Variants in SIDT2 observed in about 807,000 individuals in gnomAD.
SIDT2 encodes the protein SID1 transmembrane family, member 2.
Under a neutral mutation model 114.4 loss-of-function variants are expected in SIDT2, and 68 were observed. The ratio of observed to expected loss-of-function variants is 0.59; its 90% CI spans 0.49 to 0.73. SIDT2 has a LOEUF of 0.73. SIDT2 is among the 30% of genes least tolerant of loss of function. The probability of loss-of-function intolerance (pLI) is 0.00; values close to 1 mark genes in which losing one functional copy is unlikely to be tolerated. For missense variants in SIDT2, 918 were observed against 1,097.1 expected, an observed-to-expected ratio of 0.84 and a Z score of 2.31; for synonymous variants, 470 against 438.4, an observed-to-expected ratio of 1.07 and a Z score of -0.90.
chr11:117,184,877 C>T (rs1432488310), intron 8 of SIDT2, among the ~76,000 whole-genome samples: 1 of 152,092 alleles, frequency 6.6e-6, no homozygotes, highest in Non-Finnish European at 1.5e-5. Context: ...AGGCACCTGC[C>T]GCCATGCCCA....
rs982311552 is a variant in SIDT2 at position 117,190,688 on chromosome 11, G to A, written c.1683G>A (p.Gly561=). The part of the protein sequence containing the change: ...YAMGTALMME[G]LLSACYHVCP... ...TGGGCACAGCCCTGATGATGGAGGGGCTGCTCAGTGCTTGCTATCATGTGT... is the reference window on the plus strand; with the variant it reads ...TGGGCACAGCCCTGATGATGGAGGGACTGCTCAGTGCTTGCTATCATGTGT... The change falls in exon 18 of 26, where the codon GGG becomes GGA. Residue 561 remains glycine, a synonymous_variant. Coordinates refer to ENST00000324225, the MANE Select transcript of SIDT2 (RefSeq NM_001040455.2). The surrounding 1 kb of genome is among the most constrained non-coding windows in gnomAD (Gnocchi z 4.1). 3.1e-6 allele frequency: 5 copies of A among 1,613,386 alleles called. No homozygotes were observed. The highest frequency in any genetic ancestry group is 2.2e-5 in the South Asian group (2 of 90,824).
chr11:117,189,263 G>A (rs773448966), intron 14 of SIDT2, 21 bp downstream of exon 14: 1 of 1,614,122 alleles, frequency 6.2e-7, no homozygotes, highest in East Asian at 2.2e-5. Flanking sequence ...TGAGTGTCTG[G>A]GGCTCTGCTG....
chr11:117,188,417 T>TCA lies in SIDT2; in HGVS notation c.1160-291_1160-290insCA, dbSNP rs775148500. On this transcript the variant is annotated intron_variant, in intron 12 of 25. Coordinates refer to ENST00000324225, the MANE Select transcript of SIDT2 (RefSeq NM_001040455.2). This position sits in a 1 kb window ranked among gnomAD's most constrained non-coding sequence, Gnocchi z 4.0. ...TGTGTCTGCTGCCTGGGGTCTGCCT[T>TCA]GTGTCCTGGCCTGGGAAGCCCTAGC... The TCA allele has an allele frequency of 0.088, 42,066 of 479,246 alleles. 2,841 individuals carry two copies. The highest frequency in any genetic ancestry group is 0.26 in the African/African-American group (13,303 of 51,548). 29.7% of individuals were successfully genotyped at this position (479,246 alleles called of 1,614,324 possible).
rs1308635683 is a variant in SIDT2, at chr11:117,183,817, G to A, written c.741G>A (p.Val247=). The change falls in exon 7 of 26, where the codon GTG becomes GTA. Residue 247 remains valine, a synonymous_variant. Transcript: ENST00000324225. ...CCAGCAACAGCTTTTATGTGGTGGT[G>A]GTGGTGAAGACCGAAGACCAAGCCT... ...DFPSNSFYVV[V]VVKTEDQACG... 1 of 1,614,120 alleles carries A rather than the reference G, an allele frequency of 6.2e-7. No individual in the cohort carries two copies. Among genetic ancestry groups the A allele is most frequent in the East Asian group, 2.2e-5 (1 of 44,880 alleles).
At chr11:117,193,681 C>T (rs778107213) in intron 23 of SIDT2, among the ~76,000 whole-genome samples, 172 bp from the exon 24 acceptor site, 58 of 147,676 alleles carry the variant, frequency 3.9e-4, no homozygotes, top group Non-Finnish European at 2.7e-4. Flanking sequence ...GGGTGGACAT[C>T]GGGGTGGGGG....
intron 24 of SIDT2, among the ~76,000 whole-genome samples, chr11:117,195,461 G>A (rs1214175163): frequency 2.0e-5 from 3 of 152,184 alleles, no homozygotes; most frequent in East Asian, 3.8e-4. Flanking sequence ...GTCCAAGGCC[G>A]GGAAGTGGGT....
intron 15 of SIDT2, chr11:117,189,700 C>T (rs2030631018): frequency 6.7e-6 from 4 of 600,794 alleles, no homozygotes; most frequent in Admixed American, 3.0e-5. Flanking sequence ...TCCCTTTTCT[C>T]TGTCCCGTGG....
rs556101387 is a variant in SIDT2 at position 117,194,997 on chromosome 11, G to GT, written c.2323-805_2323-804insT. On this transcript the variant is annotated intron_variant, in intron 24 of 25. Transcript: ENST00000324225. Reference sequence around the variant, plus strand: ...AGCTACTCGGGAGGCAGAGGCAGGAGAACGGCTTGGACCCGGGAGGTGGAG... The same window carrying GT: ...AGCTACTCGGGAGGCAGAGGCAGGAGTAACGGCTTGGACCCGGGAGGTGGAG... Among the ~76,000 whole-genome samples the GT allele has an allele frequency of 2.4e-4, 35 of 146,738 alleles. No homozygotes were observed. In the South Asian group the frequency reaches 4.6e-3, roughly 19 times the overall value.
Position 117,192,209 on chromosome 11 carries a change from C to G in SIDT2, c.1873-45C>G. On this transcript the variant is annotated intron_variant, in intron 19 of 25. Coordinates refer to ENST00000324225, the MANE Select transcript of SIDT2 (RefSeq NM_001040455.2). The surrounding 1 kb of genome is among the most constrained non-coding windows in gnomAD (Gnocchi z 5.9). ...CAGGAAGGGTGGGCCATCCGAGCCA[C>G]TTCCCTCTCCACCCTCACCGCTGCC... The G allele has an allele frequency of 6.8e-7, 1 of 1,479,374 alleles. No individual in the cohort carries two copies. Among genetic ancestry groups the G allele is most frequent in the African/African-American group, 1.4e-5 (1 of 72,238 alleles). The allele number at this position is 1,479,374 out of a possible 1,614,324, so 91.6% of individuals were successfully genotyped here.
In SIDT2 at chr11:117,179,189, C is replaced by G. The variant is rs1033265963; in HGVS notation, c.-75C>G. The G allele has an allele frequency of 2.1e-6, 3 of 1,448,556 alleles. No individual in the cohort carries two copies. The highest frequency in any genetic ancestry group is 2.1e-5 in the Admixed American group (1 of 47,386). 89.7% of individuals were successfully genotyped at this position (1,448,556 alleles called of 1,614,324 possible). On this transcript the variant is annotated 5_prime_UTR_variant, in exon 1 of 26. Transcript: ENST00000324225. ...TGGAAGCTGCGGCCGCAGCCGCAAC[C>G]CGTCCCGGAGGTGTCCTGTCTCCTG...
In SIDT2 at chr11:117,179,248, C is replaced by T. The variant is rs1228461165; in HGVS notation, c.-16C>T. On this transcript the variant is annotated 5_prime_UTR_variant, in exon 1 of 26. Transcript: ENST00000324225. ...GCCGCCGCCACCACCGCTGCCACTG[C>T]CGCCCTGCCGGGGCCATGTTCGCTC... 3.1e-6 allele frequency: 5 copies of T among 1,602,360 alleles called. No individual in the cohort carries two copies. Among genetic ancestry groups the T allele is most frequent in the Non-Finnish European group, 2.6e-6 (3 of 1,174,730 alleles).
At chr11:117,193,998 C>T (rs575017172) in intron 24 of SIDT2, 35 bp downstream of exon 24, 3 of 1,526,076 alleles carry the variant, frequency 2.0e-6, no homozygotes, top group South Asian at 1.1e-5. Flanking sequence ...TGTGAGCCAA[C>T]AAGTGGCCAG....
chr11:117,181,990 G>C lies in SIDT2; in HGVS notation c.470+19G>C, dbSNP rs1382705371. ...TGCTCAGGTCTGCAGGGTAGAGTGAGGGGACCACGGGGGCTGGTTCTTCCC... is the reference window on the plus strand; with the variant it reads ...TGCTCAGGTCTGCAGGGTAGAGTGACGGGACCACGGGGGCTGGTTCTTCCC... On this transcript the variant is annotated intron_variant, in intron 3 of 25. Coordinates refer to ENST00000324225, the MANE Select transcript of SIDT2 (RefSeq NM_001040455.2). The C allele has an allele frequency of 1.2e-6, 2 of 1,614,112 alleles. No homozygotes were observed. The highest frequency in any genetic ancestry group is 4.5e-5 in the East Asian group (2 of 44,878).
Position 117,190,396 on chromosome 11 carries a change from C to T in SIDT2, c.1617+107C>T. 6.8e-7 allele frequency: 1 copy of T among 1,480,302 alleles called. No homozygotes were observed. The highest frequency in any genetic ancestry group is 9.0e-7 in the Non-Finnish European group (1 of 1,113,440). The allele number at this position is 1,480,302 out of a possible 1,614,324, so 91.7% of individuals were successfully genotyped here. On this transcript the variant is annotated intron_variant, in intron 17 of 25. Transcript: ENST00000324225. The surrounding 1 kb of genome is among the most constrained non-coding windows in gnomAD (Gnocchi z 4.1). ...AGGCCTGGCCCTGCCTTCCCCAGCT[C>T]TCCCCTCCCCAGTTCTGTCTGGCCC...
chr11:117,188,914 C>A lies in SIDT2; in HGVS notation c.1278+88C>A. 7.4e-7 allele frequency: 1 copy of A among 1,348,022 alleles called. No individual in the cohort carries two copies. The highest frequency in any genetic ancestry group is 1.1e-6 in the Non-Finnish European group (1 of 939,416). 83.5% of individuals were successfully genotyped at this position (1,348,022 alleles called of 1,614,324 possible). On this transcript the variant is annotated intron_variant, in intron 13 of 25. Coordinates refer to ENST00000324225, the MANE Select transcript of SIDT2 (RefSeq NM_001040455.2). This position sits in a 1 kb window ranked among gnomAD's most constrained non-coding sequence, Gnocchi z 4.0. ...CCCCAGCATGTTCCCACTGACGTGG[C>A]ATTTAGGGAAGCAGAAGGAAGGGGC...
Position 117,192,762 on chromosome 11 carries a change from T to G in SIDT2, c.2059-58T>G. ...AGAGTGGGGACCAGCTGGCTGGGCC[T>G]TCTTCCACCACCCTCCCTGCCCCTG... On this transcript the variant is annotated intron_variant, in intron 21 of 25. Transcript: ENST00000324225. The surrounding 1 kb of genome is among the most constrained non-coding windows in gnomAD (Gnocchi z 5.9). The G allele has an allele frequency of 6.2e-7, 1 of 1,612,640 alleles. No individual in the cohort carries two copies. The highest frequency in any genetic ancestry group is 8.5e-7 in the Non-Finnish European group (1 of 1,178,898).
chr11:117,180,393 T>G (rs965566768), intron 1 of SIDT2, among the ~76,000 whole-genome samples: 1 of 151,974 alleles, frequency 6.6e-6, no homozygotes, highest in Non-Finnish European at 1.5e-5. Context: ...TTTACTCTTT[T>G]GGGAAATGCT....
rs573202365 is a variant in SIDT2, at chr11:117,188,882, G to A, written c.1278+56G>A. 55 of 1,501,678 alleles carry A rather than the reference G, an allele frequency of 3.7e-5. No individual in the cohort carries two copies. In the East Asian group the frequency reaches 9.0e-4, roughly 25 times the overall value. The allele number at this position is 1,501,678 out of a possible 1,614,324, so 93.0% of individuals were successfully genotyped here. ...GTTTCCTGAGAAAGGGACATTCTGCGTTCCCGCCCCAGCATGTTCCCACTG... is the reference window on the plus strand; with the variant it reads ...GTTTCCTGAGAAAGGGACATTCTGCATTCCCGCCCCAGCATGTTCCCACTG... On this transcript the variant is annotated intron_variant, in intron 13 of 25. Coordinates refer to ENST00000324225, the MANE Select transcript of SIDT2 (RefSeq NM_001040455.2). This position sits in a 1 kb window ranked among gnomAD's most constrained non-coding sequence, Gnocchi z 4.0.
At position 117,190,128 on chromosome 11, in the gene SIDT2, T is replaced by G. The variant is rs1275612115; in HGVS notation, c.1494-38T>G. The G allele has an allele frequency of 6.2e-7, 1 of 1,607,526 alleles. No individual in the cohort carries two copies. Reference sequence around the variant, plus strand: ...GTGGGCTAGGGAAGAGGCCTGGGTGTGAGTCCCAAGCAGTCTGCCTTGTGT... The same window carrying G: ...GTGGGCTAGGGAAGAGGCCTGGGTGGGAGTCCCAAGCAGTCTGCCTTGTGT... On this transcript the variant is annotated intron_variant, in intron 16 of 25. Coordinates refer to ENST00000324225, the MANE Select transcript of SIDT2 (RefSeq NM_001040455.2). This position sits in a 1 kb window ranked among gnomAD's most constrained non-coding sequence, Gnocchi z 4.1.
Sources: gnomAD v4.1 joint callset for allele counts (sites outside exome capture counted in the v4.1 genomes callset) on GRCh38, gnomAD v4.1.1 for gene constraint, Gnocchi (gnomAD v3.1) non-coding constraint, MANE v1.5 for transcripts, NCBI Gene and HGNC (gene_info 2026-07-23, HGNC 2026-07-21) for gene names.